The following DSE variants were observed in gnomAD, a reference collection of about 807,000 sequenced individuals.
DSE encodes dermatan-sulfate epimerase.
A neutral mutation model predicts 84.4 loss-of-function variants in DSE; 36 were observed. The observed-to-expected ratio is 0.43, with a 90% CI of 0.33 to 0.56. The LOEUF (loss-of-function observed/expected upper bound fraction) is 0.56. DSE is among the 20% of genes least tolerant of loss of function. The pLI, the probability that DSE is intolerant of heterozygous loss-of-function variation, is 0.06. For missense variants in DSE, 862 were observed against 1,169.6 expected, an observed-to-expected ratio of 0.74 and a Z score of 3.84; for synonymous variants, 410 against 430.1, an observed-to-expected ratio of 0.95 and a Z score of 0.58.
chr6:116,369,597 A>T (rs1779382017), upstream of DSE, among the ~76,000 whole-genome samples: 1 of 152,200 alleles, frequency 6.6e-6, no homozygotes, highest in Non-Finnish European at 1.5e-5. Context: ...TTGGATTTGA[A>T]CCAAAGATTA....
intron 2 of DSE, among the ~76,000 whole-genome samples, chr6:116,262,211 A>G (rs1772441425): frequency 6.6e-6 from 1 of 152,096 alleles, no homozygotes; most frequent in Non-Finnish European, 1.5e-5. Context: ...ATTCAGCTGT[A>G]AATCTGTCTG....
chr6:116,382,408 C>T (rs1282531796), intron 1 of DSE, among the ~76,000 whole-genome samples: 1 of 152,152 alleles, frequency 6.6e-6, no homozygotes, highest in Non-Finnish European at 1.5e-5. Context: ...GGGCCTACAC[C>T]ATTCCCCTAC....
At chr6:116,409,426 C>T (rs1782162237) in intron 2 of DSE, among the ~76,000 whole-genome samples, 1 of 152,048 alleles carries the variant, frequency 6.6e-6, no homozygotes, top group African/African-American at 2.4e-5. Flanking sequence ...TACAGGTGCC[C>T]ACCACCACGC....
At chr6:116,338,039 GAAC>G (rs1019924605) in intron 2 of DSE, among the ~76,000 whole-genome samples, 2 of 152,060 alleles carry the variant, frequency 1.3e-5, no homozygotes, top group South Asian at 2.1e-4. Flanking sequence ...GTAAGAGAAA[GAAC>G]AACAACCACA....
intron 2 of DSE, among the ~76,000 whole-genome samples, chr6:116,411,307 C>T (rs3798408): frequency 0.017 from 2,620 of 152,236 alleles, 54 homozygotes; most frequent in East Asian, 0.09. Flanking sequence ...TTCAAATTAT[C>T]CTGCTACAAT....
In DSE at chr6:116,430,936, T is replaced by C. The variant is rs779653595; in HGVS notation, c.671-18T>C. On this transcript the variant is annotated intron_variant, in intron 3 of 5. Coordinates refer to ENST00000644252, the MANE Select transcript of DSE (RefSeq NM_013352.4). The stretch of plus-strand genomic sequence containing the variant: ...TCACAGGCTTTAGTCATTGCTTCCA[T>C]GTGTTTTCATCCTTCAGGATATCTT... The C allele has an allele frequency of 2.1e-5, 34 of 1,611,128 alleles. No homozygotes were observed. Among genetic ancestry groups the C allele is most frequent in the Admixed American group, 1.0e-4 (6 of 59,968 alleles).
chr6:116,427,867 C>T lies in DSE; in HGVS notation c.670+1040C>T, dbSNP rs1212093014. ...GAATTTTCATGCTAGCTCCCCTTGT[C>T]CCCTACTCTCACAAAAACCTAAAGA... On this transcript the variant is annotated intron_variant, in intron 3 of 5. Transcript: ENST00000644252. 2.0e-5 allele frequency among the ~76,000 whole-genome samples: 3 copies of T among 152,172 alleles called. No individual in the cohort carries two copies. In the East Asian group the frequency reaches 5.8e-4, roughly 29 times the overall value.
intron 2 of DSE, chr6:116,276,501 G>A (rs2114626068): frequency 6.6e-6 from 1 of 152,140 alleles, no homozygotes; most frequent in East Asian, 1.9e-4. Context: ...CTTCTCTTTG[G>A]GATAATGTCT....
At chr6:116,337,170 C>G (rs575844866) in intron 2 of DSE, among the ~76,000 whole-genome samples, 1 of 152,228 alleles carries the variant, frequency 6.6e-6, no homozygotes, top group South Asian at 2.1e-4. Flanking sequence ...AGTGGTAGAG[C>G]TCGTATATAG....
At position 116,441,154 on chromosome 6, in the gene DSE, C is replaced by T. The variant is rs1370031163; in HGVS notation, c.*3809C>T. ...AATGACTGATATAAATCATGTGTTC[C>T]ACTACATAGTCTAAATATTTAGTAT... is the stretch of plus-strand genomic sequence containing the variant. On this transcript the variant is annotated 3_prime_UTR_variant, in exon 6 of 6. Coordinates refer to ENST00000644252, the MANE Select transcript of DSE (RefSeq NM_013352.4). 1 of 152,124 alleles carries T rather than the reference C, an allele frequency of 6.6e-6. No individual in the cohort carries two copies. Among genetic ancestry groups the T allele is most frequent in the Admixed American group, 6.6e-5 (1 of 15,266 alleles). The allele number at this position is 152,124 out of a possible 1,614,324, so 9.4% of individuals were successfully genotyped here. A position where few individuals can be genotyped will look rare whatever the true frequency, so the allele number is the denominator to read the frequency against.
At position 116,332,747 on chromosome 6, in the gene DSE, T is replaced by C. The variant is rs1269069213; in HGVS notation, c.-53-66451T>C. On this transcript the variant is annotated intron_variant, in intron 2 of 3. Coordinates refer to the DSE transcript ENST00000430252. ...TCAGTTTATGAAAAGACACCTTTAATTGGTAAAAAGTCAAGCTACATGGTA... is the reference window on the plus strand; with the variant it reads ...TCAGTTTATGAAAAGACACCTTTAACTGGTAAAAAGTCAAGCTACATGGTA... Among the ~76,000 whole-genome samples, 3 of 152,260 alleles carry C rather than the reference T, an allele frequency of 2.0e-5. No individual in the cohort carries two copies. The East Asian group carries it at 5.8e-4, about 29-fold the overall frequency.
intron 1 of DSE, among the ~76,000 whole-genome samples, chr6:116,378,569 T>G (rs946079079): frequency 6.6e-6 from 1 of 152,120 alleles, no homozygotes; most frequent in African/African-American, 2.4e-5. Context: ...TAATCTGTTT[T>G]CTCCCAAACA....
At chr6:116,344,996 T>C (rs908234683) in intron 2 of DSE, among the ~76,000 whole-genome samples, 1 of 152,090 alleles carries the variant, frequency 6.6e-6, no homozygotes, top group South Asian at 2.1e-4. Context: ...AAACAGACTT[T>C]AAACCAACAA....
chr6:116,387,463 C>T (rs1007803012), intron 1 of DSE, among the ~76,000 whole-genome samples: 8 of 152,138 alleles, frequency 5.3e-5, no homozygotes, highest in South Asian at 2.1e-4. Context: ...GCACCTTAGA[C>T]GGCAGGTTAT....
chr6:116,436,936 C>T lies in DSE; in HGVS notation c.2468C>T (p.Pro823Leu). 1 of 1,613,990 alleles carries T rather than the reference C, an allele frequency of 6.2e-7. No homozygotes were observed. Among genetic ancestry groups the T allele is most frequent in the Non-Finnish European group, 8.5e-7 (1 of 1,180,000 alleles). ...CGCTATAAATTTGTGGATGCTGTCC[C>T]TGATATTTTTGCACAGATTGAAGTC... Reference protein sequence around the residue: ...GKRYKFVDAVPDIFAQIEVNE... With the variant: ...GKRYKFVDAVLDIFAQIEVNE... Residue 823 changes from proline to leucine, a missense_variant, in exon 6 of 6, where the codon CCT becomes CTT. By Grantham distance (98) the Pro-to-Leu change is moderately conservative (BLOSUM62 -3). Coordinates refer to ENST00000644252, the MANE Select transcript of DSE (RefSeq NM_013352.4).
chr6:116,359,385 C>T (rs373895497), intron 2 of DSE, among the ~76,000 whole-genome samples: 22 of 152,010 alleles, frequency 1.4e-4, no homozygotes, highest in South Asian at 8.3e-4. Context: ...ATTTTTTTAA[C>T]GGTAGATTAG....
chr6:116,393,591 C>T (rs1296585007), intron 1 of DSE, among the ~76,000 whole-genome samples: 1 of 152,180 alleles, frequency 6.6e-6, no homozygotes, highest in African/African-American at 2.4e-5. Context: ...AAGCATATTT[C>T]ATTTTGTGGA....
At chr6:116,348,152 G>A (rs935897354) in intron 2 of DSE, among the ~76,000 whole-genome samples, 1 of 152,176 alleles carries the variant, frequency 6.6e-6, no homozygotes, top group African/African-American at 2.4e-5. Flanking sequence ...AACAGGCTGG[G>A]CACGGTGGCT....
At chr6:116,362,510 C>T (rs148528052) in intron 2 of DSE, among the ~76,000 whole-genome samples, 298 of 152,302 alleles carry the variant, frequency 2.0e-3, no homozygotes, top group African/African-American at 7.0e-3. Context: ...ATCACTCTAT[C>T]TCCATGTGCA....
Sources: allele counts gnomAD v4.1 joint callset (sites outside exome capture counted in the v4.1 genomes callset), GRCh38; gene constraint gnomAD v4.1.1; transcripts MANE v1.5; gene names NCBI Gene and HGNC (gene_info 2026-07-23, HGNC 2026-07-21).